The following MACROD1 variants were observed in gnomAD, a reference collection of about 807,000 sequenced individuals.
MACROD1 encodes ADP-ribose glycohydrolase MACROD1.
Under a neutral mutation model 41.4 loss-of-function variants are expected in MACROD1, and 31 were observed. The ratio of observed to expected loss-of-function variants is 0.75; its 90% CI spans 0.56 to 1.01. MACROD1 has a LOEUF of 1.01. MACROD1 is among the 50% of genes least tolerant of loss of function. The probability of loss-of-function intolerance (pLI) is 0.00; values close to 1 mark genes in which losing one functional copy is unlikely to be tolerated. For synonymous variants in MACROD1, 252 were observed against 203.4 expected (o/e 1.24, Z -2.03); for missense variants, 473 against 460.0 (o/e 1.03, Z -0.26).
intron 1 of MACROD1, among the ~76,000 whole-genome samples, chr11:64,155,574 C>A (rs537196222): frequency 6.6e-6 from 1 of 152,222 alleles, no homozygotes; most frequent in Admixed American, 6.5e-5. Flanking sequence ...GCGGTCTACA[C>A]GCCAGACACA....
At chr11:64,113,592 T>C (rs550646798) in intron 3 of MACROD1, among the ~76,000 whole-genome samples, 1 of 125,340 alleles carries the variant, frequency 8.0e-6, no homozygotes, top group Non-Finnish European at 1.6e-5. Context: ...CATGGATGGA[T>C]GGATGGTTAG....
At chr11:64,042,372 T>C (rs1301729602) in intron 3 of MACROD1, among the ~76,000 whole-genome samples, 3 of 151,934 alleles carry the variant, frequency 2.0e-5, no homozygotes, top group Non-Finnish European at 4.4e-5. Flanking sequence ...CCCCAGACAG[T>C]GGCCATCTGT....
At chr11:64,039,476 G>A (rs564715660) in intron 3 of MACROD1, among the ~76,000 whole-genome samples, 1 of 152,292 alleles carries the variant, frequency 6.6e-6, no homozygotes, top group East Asian at 1.9e-4. Context: ...TTCAGGCTCT[G>A]GCTGGCCCAC....
At chr11:64,001,310 C>T in intron 4 of MACROD1, 1 of 642,148 alleles carries the variant, frequency 1.6e-6, no homozygotes, top group South Asian at 1.8e-5. Flanking sequence ...GCGACCCTCC[C>T]ACAGAGGAAA....
intron 3 of MACROD1, among the ~76,000 whole-genome samples, chr11:64,080,202 G>C (rs977687890): frequency 6.6e-6 from 1 of 152,084 alleles, no homozygotes; most frequent in African/African-American, 2.4e-5. Context: ...TAGTAGAGAC[G>C]GGGTATCAAC....
intron 3 of MACROD1, among the ~76,000 whole-genome samples, chr11:64,138,313 C>T (rs1305199633): frequency 1.3e-5 from 2 of 152,244 alleles, no homozygotes; most frequent in Admixed American, 1.3e-4. Context: ...GGTCTCCTCC[C>T]GCGCAAACAT....
At position 64,044,410 on chromosome 11, in the gene MACROD1, C is replaced by T. The variant is rs150950566; in HGVS notation, c.518-29129G>A. 3.8e-3 allele frequency among the ~76,000 whole-genome samples: 579 copies of T among 152,192 alleles called. 4 individuals carry two copies. The highest frequency in any genetic ancestry group is 0.011 in the African/African-American group (475 of 41,528). On this transcript the variant is annotated intron_variant, in intron 3 of 10. Coordinates refer to ENST00000255681, the MANE Select transcript of MACROD1 (RefSeq NM_014067.4). ...CGGACTACAGGCACGCACCAACACA[C>T]TGGCTAATTTTTTAATTTGGCAGAG... is the stretch of plus-strand genomic sequence containing the variant.
intron 3 of MACROD1, among the ~76,000 whole-genome samples, chr11:64,035,062 T>C (rs1422706590): frequency 6.6e-6 from 1 of 152,146 alleles, no homozygotes; most frequent in African/African-American, 2.4e-5. Context: ...CACCCTCCCA[T>C]TCAAGGTCTT....
At chr11:64,009,946 C>A (rs1350631263) in intron 4 of MACROD1, among the ~76,000 whole-genome samples, 1 of 152,370 alleles carries the variant, frequency 6.6e-6, no homozygotes, top group South Asian at 2.1e-4. Context: ...ACTACCCACA[C>A]CAGGGTGTTG....
intron 4 of MACROD1, among the ~76,000 whole-genome samples, chr11:64,007,622 G>A (rs556811902): frequency 6.6e-6 from 1 of 152,142 alleles, no homozygotes; most frequent in Non-Finnish European, 1.5e-5. Context: ...TTCCATCAGT[G>A]AAGGGACGTG....
chr11:63,998,933 T>C, intron 9 of MACROD1, 22 bp downstream of exon 9: 1 of 1,556,474 alleles, frequency 6.4e-7, no homozygotes, highest in Non-Finnish European at 8.7e-7. Context: ...GGGCGGGCCG[T>C]GGGGCGGCGC....
At position 64,092,683 on chromosome 11, in the gene MACROD1, C is replaced by G. The variant is rs150348217; in HGVS notation, c.517+58556G>C. ...AGCTGGGTACCAGGGAGGCACAGGGCAGGGACAGGCCTATCCTCACCACTG... is the reference window on the plus strand; with the variant it reads ...AGCTGGGTACCAGGGAGGCACAGGGGAGGGACAGGCCTATCCTCACCACTG... On this transcript the variant is annotated intron_variant, in intron 3 of 10. Coordinates refer to ENST00000255681, the MANE Select transcript of MACROD1 (RefSeq NM_014067.4). Among the ~76,000 whole-genome samples, 327 of 152,336 alleles carry G rather than the reference C, an allele frequency of 2.1e-3. 1 individual carries two copies. Among genetic ancestry groups the G allele is most frequent in the African/African-American group, 7.6e-3 (315 of 41,572 alleles).
intron 3 of MACROD1, among the ~76,000 whole-genome samples, chr11:64,052,002 G>A (rs544956023): frequency 1.3e-4 from 20 of 151,840 alleles, no homozygotes; most frequent in African/African-American, 4.6e-4. Context: ...GGGTCCAGGC[G>A]AGAGCTGGGG....
At chr11:64,157,674 T>C (rs1945690340) in intron 1 of MACROD1, among the ~76,000 whole-genome samples, 1 of 152,208 alleles carries the variant, frequency 6.6e-6, no homozygotes, top group African/African-American at 2.4e-5. Context: ...ACCAGAACCA[T>C]AAAGTGCAGC....
At chr11:64,063,094 G>A (rs1943935040) in intron 3 of MACROD1, among the ~76,000 whole-genome samples, 2 of 152,176 alleles carry the variant, frequency 1.3e-5, no homozygotes, top group Admixed American at 6.5e-5. Context: ...CCATATGAGT[G>A]GAAACTTCAG....
At chr11:64,131,661 G>A (rs1945268008) in intron 3 of MACROD1, among the ~76,000 whole-genome samples, 1 of 152,102 alleles carries the variant, frequency 6.6e-6, no homozygotes, top group Non-Finnish European at 1.5e-5. Flanking sequence ...AGGAATGTAA[G>A]CTCTCTGGGA....
intron 3 of MACROD1, among the ~76,000 whole-genome samples, chr11:64,038,780 G>T (rs910701178): frequency 6.6e-6 from 1 of 152,154 alleles, no homozygotes; most frequent in Admixed American, 6.5e-5. Context: ...CCTGTTGATT[G>T]TGTTCCTGGG....
rs35179984 is a variant in MACROD1, at chr11:64,061,702, C to CTT, written c.518-46423_518-46422dup. Among the ~76,000 whole-genome samples, 242 of 141,842 alleles carry CTT rather than the reference C, an allele frequency of 1.7e-3. 1 individual carries two copies. Among genetic ancestry groups the CTT allele is most frequent in the South Asian group, 3.6e-3 (16 of 4,424 alleles). 93.1% of individuals were successfully genotyped at this position (141,842 alleles called of 152,430 possible). A position where few individuals can be genotyped will look rare whatever the true frequency, so the allele number is the denominator to read the frequency against. On this transcript the variant is annotated intron_variant, in intron 3 of 10. Transcript: ENST00000255681. The stretch of plus-strand genomic sequence containing the variant: ...TTAATTTTTAGAGGAGTAAATGAGA[C>CTT]TTTTTTTTTTTTTTTGAGATAGGGT...
intron 3 of MACROD1, among the ~76,000 whole-genome samples, chr11:64,043,247 C>T (rs1943522495): frequency 6.6e-6 from 1 of 152,198 alleles, no homozygotes; most frequent in Non-Finnish European, 1.5e-5. Flanking sequence ...ACAGGCCCCG[C>T]CAGACACGTG....
Sources: gnomAD v4.1 joint callset for allele counts (sites outside exome capture counted in the v4.1 genomes callset) on GRCh38, gnomAD v4.1.1 for gene constraint, MANE v1.5 for transcripts, NCBI Gene and HGNC (gene_info 2026-07-23, HGNC 2026-07-21) for gene names.